The following CNTN6 variants were observed in gnomAD, a reference collection of about 807,000 sequenced individuals.
CNTN6 encodes contactin-6.
In CNTN6, 137 loss-of-function variants were observed where a neutral mutation model predicts 122.8. The observed-to-expected ratio is 1.12, with a 90% CI of 0.97 to 1.29. The LOEUF (loss-of-function observed/expected upper bound fraction) is 1.29, where lower values mean the gene tolerates loss of function less well. Ranked by LOEUF, CNTN6 falls within the 50% of genes most tolerant of loss-of-function variation. The probability of loss-of-function intolerance (pLI) is 0.00; values close to 1 mark genes in which losing one functional copy is unlikely to be tolerated. For missense variants in CNTN6, 1,634 were observed against 1,223.4 expected (o/e 1.34, Z -5.01); for synonymous variants, 570 against 426.0 (o/e 1.34, Z -4.16).
At chr3:1,402,187 C>A in intron 21 of CNTN6, 131 bp from the exon 22 acceptor site, 2 of 625,122 alleles carry the variant, frequency 3.2e-6, no homozygotes, top group Non-Finnish European at 5.0e-6. Flanking sequence ...AAAGACATCA[C>A]TTGGATATTT....
chr3:1,351,630 T>C (rs1051938399), intron 11 of CNTN6, among the ~76,000 whole-genome samples: 3 of 151,756 alleles, frequency 2.0e-5, no homozygotes, highest in Admixed American at 2.0e-4. Context: ...TAATATGGAT[T>C]ATTTTATGAA....
At chr3:1,190,133 A>G (rs892268123) in intron 2 of CNTN6, among the ~76,000 whole-genome samples, 12 of 152,124 alleles carry the variant, frequency 7.9e-5, no homozygotes, top group African/African-American at 2.2e-4. Flanking sequence ...GCATCCTCAC[A>G]TGGCCTTTCC....
intron 4 of CNTN6, among the ~76,000 whole-genome samples, chr3:1,233,144 C>T (rs182987839): frequency 7.6e-4 from 116 of 152,266 alleles, no homozygotes; most frequent in South Asian, 1.7e-3. Context: ...GCCAAAGAAA[C>T]ATGCAAAAAT....
intron 2 of CNTN6, among the ~76,000 whole-genome samples, chr3:1,150,353 A>G (rs998712636): frequency 6.6e-6 from 1 of 152,142 alleles, no homozygotes; most frequent in East Asian, 1.9e-4. Flanking sequence ...TTTCCTTGCT[A>G]TTTGAATTAT....
At chr3:1,240,969 T>C (rs1004082771) in intron 4 of CNTN6, among the ~76,000 whole-genome samples, 1 of 151,784 alleles carries the variant, frequency 6.6e-6, no homozygotes, top group African/African-American at 2.4e-5. Context: ...TGGGTGGATC[T>C]CACAAAGTAC....
intron 2 of CNTN6, among the ~76,000 whole-genome samples, chr3:1,168,498 G>C (rs1003381864): frequency 2.0e-5 from 3 of 150,980 alleles, no homozygotes; most frequent in Non-Finnish European, 4.4e-5. Flanking sequence ...TTCATCACTG[G>C]CATCAACTGT....
chr3:1,138,080 G>C (rs2092524529), intron 1 of CNTN6, among the ~76,000 whole-genome samples: 1 of 152,160 alleles, frequency 6.6e-6, no homozygotes, highest in South Asian at 2.1e-4. Context: ...ATAAGTCATG[G>C]CTTTCAGCCA....
At chr3:1,312,260 TTACAGTGCTG>T (rs1375432207) in intron 7 of CNTN6, among the ~76,000 whole-genome samples, 6 of 151,922 alleles carry the variant, frequency 3.9e-5, no homozygotes, top group Admixed American at 2.6e-4. Context: ...GAGTGGATTG[TTACAGTGCTG>T]TTTCTAAAAT....
At chr3:1,297,638 C>CTT (rs71303106) in intron 6 of CNTN6, among the ~76,000 whole-genome samples, 32,264 of 138,318 alleles carry the variant, frequency 0.23, 3,732 homozygotes, top group Non-Finnish European at 0.27. Context: ...TTGTTTTTTT[C>CTT]TTTTTTTTTT....
intron 11 of CNTN6, among the ~76,000 whole-genome samples, chr3:1,347,886 A>G (rs1241955003): frequency 1.3e-5 from 2 of 151,996 alleles, no homozygotes; most frequent in Non-Finnish European, 2.9e-5. Context: ...TTTTGCTGGC[A>G]TTAGACTCCT....
chr3:1,374,837 A>C (rs919244487), intron 16 of CNTN6, among the ~76,000 whole-genome samples: 1 of 152,136 alleles, frequency 6.6e-6, no homozygotes, highest in Non-Finnish European at 1.5e-5. Flanking sequence ...CAATAAATCA[A>C]TCCTTAAACT....
chr3:1,245,197 GATATATAT>G (rs1217220571), intron 4 of CNTN6, among the ~76,000 whole-genome samples: 742 of 20,160 alleles, frequency 0.037, 100 homozygotes, highest in Admixed American at 0.077. Context: ...AAGAAAATGT[GATATATAT>G]ATATATATAT....
At chr3:1,227,344 A>G (rs2094297215) in intron 3 of CNTN6, among the ~76,000 whole-genome samples, 1 of 152,186 alleles carries the variant, frequency 6.6e-6, no homozygotes, top group East Asian at 1.9e-4. Context: ...TAGTCAGGTT[A>G]TTATTGTTTT....
chr3:1,361,501 ACAT>A (rs1474250182), intron 12 of CNTN6, among the ~76,000 whole-genome samples: 2 of 152,168 alleles, frequency 1.3e-5, no homozygotes, highest in Non-Finnish European at 2.9e-5. Flanking sequence ...AACAATTAGT[ACAT>A]TTCTATGTTA....
intron 1 of CNTN6, among the ~76,000 whole-genome samples, chr3:1,115,946 A>G (rs1206553471): frequency 6.6e-6 from 1 of 152,214 alleles, no homozygotes; most frequent in East Asian, 1.9e-4. Flanking sequence ...AGTTGATGAT[A>G]GTAGCAGTAA....
chr3:1,356,779 A>C (rs901731702), intron 12 of CNTN6, among the ~76,000 whole-genome samples: 1 of 151,938 alleles, frequency 6.6e-6, no homozygotes, highest in Non-Finnish European at 1.5e-5. Context: ...CATTTGATTT[A>C]AAAATTAGTG....
At chr3:1,154,448 C>CTTTTCTTTTCTTTTTTTTT (rs1575043271) in intron 2 of CNTN6, among the ~76,000 whole-genome samples, 1 of 140,478 alleles carries the variant, frequency 7.1e-6, no homozygotes, top group African/African-American at 2.8e-5. Flanking sequence ...TCTTTTCTTT[C>CTTTTCTTTTCTTTTTTTTT]TTTTTTTTTT....
At chr3:1,288,996 C>T (rs778746485) in intron 5 of CNTN6, among the ~76,000 whole-genome samples, 1 of 152,212 alleles carries the variant, frequency 6.6e-6, no homozygotes, top group Non-Finnish European at 1.5e-5. Context: ...TATCATTCAG[C>T]TCTAATGCTA....
intron 20 of CNTN6, among the ~76,000 whole-genome samples, chr3:1,386,378 A>T (rs768947838): frequency 7.9e-5 from 12 of 152,182 alleles, no homozygotes; most frequent in Non-Finnish European, 1.3e-4. Flanking sequence ...GAAGTCCCTG[A>T]AATCTAAGAA....
Sources: allele counts gnomAD v4.1 joint callset (sites outside exome capture counted in the v4.1 genomes callset), GRCh38; gene constraint gnomAD v4.1.1; transcripts MANE v1.5; gene names NCBI Gene and HGNC (gene_info 2026-07-23, HGNC 2026-07-21).